The following NSUN6 variants were observed in gnomAD, a reference collection of about 807,000 sequenced individuals.
NSUN6 encodes NOP2/Sun RNA methyltransferase 6.
NSUN6 carries 64 observed loss-of-function variants against 58.0 expected under a neutral mutation model. That is an observed-to-expected ratio of 1.10 (90% CI 0.90 to 1.36). The LOEUF (loss-of-function observed/expected upper bound fraction) is 1.36, where lower values mean the gene tolerates loss of function less well. Ranked by LOEUF, NSUN6 falls within the 40% of genes most tolerant of loss-of-function variation. NSUN6 has a pLI of 0.00. For synonymous variants in NSUN6, 231 were observed against 193.9 expected (o/e 1.19, Z -1.59); for missense variants, 701 against 550.1 (o/e 1.27, Z -2.74).
At chr10:18,562,602 GGGAATGGTAT>G (rs2055604506) in intron 8 of NSUN6, among the ~76,000 whole-genome samples, 1 of 150,234 alleles carries the variant, frequency 6.7e-6, no homozygotes, top group African/African-American at 2.5e-5. Context: ...TAATGGAATG[GGGAATGGTAT>G]GGAATGAAAT....
chr10:18,555,362 GGAATGGAATGGA>G (rs1451442176), intron 8 of NSUN6, among the ~76,000 whole-genome samples: 2 of 150,868 alleles, frequency 1.3e-5, no homozygotes, highest in African/African-American at 2.4e-5. Flanking sequence ...TATGGAGAAT[GGAATGGAATGGA>G]GAATGGAATG....
chr10:18,587,479 G>A (rs7905365), intron 7 of NSUN6, among the ~76,000 whole-genome samples: 29,532 of 152,016 alleles, frequency 0.19, 3,136 homozygotes, highest in South Asian at 0.31. Flanking sequence ...AAGATAAGAG[G>A]TCAAAATTTG....
intron 3 of NSUN6, among the ~76,000 whole-genome samples, chr10:18,638,019 A>G (rs1216304407): frequency 6.6e-6 from 1 of 152,234 alleles, no homozygotes; most frequent in Non-Finnish European, 1.5e-5. Context: ...GACGTAACAG[A>G]TGATTACTTT....
At chr10:18,613,673 A>G (rs2058314316) in intron 5 of NSUN6, among the ~76,000 whole-genome samples, 1 of 152,222 alleles carries the variant, frequency 6.6e-6, no homozygotes, top group Non-Finnish European at 1.5e-5. Context: ...CCATTTGGAA[A>G]GTGCTGCTAC....
rs145704202 is a variant in NSUN6 at position 18,569,956 on chromosome 10, C to G, written c.922+15993G>C. 4.2e-3 allele frequency among the ~76,000 whole-genome samples: 636 copies of G among 150,532 alleles called. 7 individuals carry two copies. The highest frequency in any genetic ancestry group is 0.015 in the African/African-American group (605 of 41,222). On this transcript the variant is annotated intron_variant, in intron 8 of 10. Transcript: ENST00000377304. ...TTTCTCTATTGCACTCCATACTACT[C>G]CCCATTCCATTACATTCCCCATTCC...
intron 9 of NSUN6, among the ~76,000 whole-genome samples, chr10:18,549,186 A>G (rs189927893): frequency 3.4e-4 from 52 of 152,308 alleles, no homozygotes; most frequent in Middle Eastern, 3.4e-3. Context: ...TCAAAGACAA[A>G]GTCCTTACAG....
chr10:18,636,782 C>G (rs1468649246), intron 3 of NSUN6, among the ~76,000 whole-genome samples: 1 of 151,856 alleles, frequency 6.6e-6, no homozygotes, highest in East Asian at 1.9e-4. Flanking sequence ...GTCCCAGCTA[C>G]TCGGGAGGCT....
At chr10:18,658,028 A>G (rs1480234821), upstream of NSUN6, among the ~76,000 whole-genome samples, 3 of 151,566 alleles carry the variant, frequency 2.0e-5, no homozygotes, top group African/African-American at 4.8e-5. Flanking sequence ...ATGTCTAACA[A>G]TTGAAGAAGC....
intron 6 of NSUN6, among the ~76,000 whole-genome samples, chr10:18,602,127 A>T (rs1262760373): frequency 6.6e-6 from 1 of 151,724 alleles, no homozygotes; most frequent in Non-Finnish European, 1.5e-5. Flanking sequence ...GCAGTGGCGC[A>T]ATCTCAGTTT....
Position 18,616,209 on chromosome 10 carries a change from G to T in NSUN6, c.396C>A (p.Ala132=). The T allele has an allele frequency of 6.3e-7, 1 of 1,588,672 alleles. No homozygotes were observed. ...NAVLRGAHVY[A]PGIVSASQFM... The stretch of plus-strand genomic sequence containing the variant: ...ATTGTGATGCTGACACAATTCCTGG[G>T]GCATAGACATGGGCTCCTCTTAAAA... The change falls in exon 4 of 11, where the codon GCC becomes GCA. Residue 132 remains alanine, a synonymous_variant. Coordinates refer to ENST00000377304, the MANE Select transcript of NSUN6 (RefSeq NM_182543.5).
chr10:18,556,138 G>A (rs985662488), intron 8 of NSUN6, among the ~76,000 whole-genome samples: 4 of 148,502 alleles, frequency 2.7e-5, no homozygotes, highest in African/African-American at 1.0e-4. Flanking sequence ...GGACATGAAT[G>A]GAGAATGGAA....
intron 3 of NSUN6, among the ~76,000 whole-genome samples, chr10:18,617,364 T>C (rs148009066): frequency 2.0e-4 from 30 of 152,130 alleles, no homozygotes; most frequent in Non-Finnish European, 2.8e-4. Flanking sequence ...ACTTGTGTAT[T>C]TTTAGTAGTG....
At chr10:18,570,764 C>CCATTCCATGCTCCCTT (rs1554855648) in intron 8 of NSUN6, among the ~76,000 whole-genome samples, 6,591 of 149,238 alleles carry the variant, frequency 0.044, 249 homozygotes, top group Non-Finnish European at 0.068. Flanking sequence ...ATTCTCCATT[C>CCATTCCATGCTCCCTT]CATTCCATGC....
chr10:18,629,524 G>C (rs2058952083), intron 3 of NSUN6, among the ~76,000 whole-genome samples: 1 of 142,572 alleles, frequency 7.0e-6, no homozygotes, highest in Non-Finnish European at 1.5e-5. Flanking sequence ...CATGTGCAGA[G>C]ACACACATAG....
intron 3 of NSUN6, among the ~76,000 whole-genome samples, chr10:18,621,203 T>G (rs765626837): frequency 2.6e-5 from 4 of 152,304 alleles, no homozygotes; most frequent in Non-Finnish European, 4.4e-5. Flanking sequence ...GAGCCCTGAA[T>G]AGGAATCCTG....
intron 6 of NSUN6, among the ~76,000 whole-genome samples, chr10:18,604,812 G>C (rs987538678): frequency 6.6e-6 from 1 of 151,782 alleles, no homozygotes; most frequent in Non-Finnish European, 1.5e-5. Context: ...CTTAAACCCA[G>C]GAGGGGGAGG....
At chr10:18,586,537 A>G (rs908506482) in intron 7 of NSUN6, among the ~76,000 whole-genome samples, 1 of 151,484 alleles carries the variant, frequency 6.6e-6, no homozygotes, top group Non-Finnish European at 1.5e-5. Context: ...TGACTTGGGG[A>G]GTGAAGCGGC....
At chr10:18,634,079 T>C (rs1278540477) in intron 3 of NSUN6, among the ~76,000 whole-genome samples, 2 of 152,190 alleles carry the variant, frequency 1.3e-5, no homozygotes, top group Non-Finnish European at 2.9e-5. Context: ...ATTCAATGCA[T>C]GATAAGCAGA....
At chr10:18,593,077 T>A (rs1272813413) in intron 7 of NSUN6, among the ~76,000 whole-genome samples, 1 of 152,122 alleles carries the variant, frequency 6.6e-6, no homozygotes, top group African/African-American at 2.4e-5. Flanking sequence ...AAAGACAACA[T>A]TTATGCTGCC....
Sources: gnomAD v4.1 joint callset for allele counts (sites outside exome capture counted in the v4.1 genomes callset) on GRCh38, gnomAD v4.1.1 for gene constraint, MANE v1.5 for transcripts, NCBI Gene and HGNC (gene_info 2026-07-23, HGNC 2026-07-21) for gene names.